PALM2AKAP2: variants seen among roughly 807,000 people sequenced by gnomAD.
PALM2AKAP2 encodes PALM2-AKAP2 fusion protein.
Under a neutral mutation model 71.5 loss-of-function variants are expected in PALM2AKAP2, and 37 were observed. The ratio of observed to expected loss-of-function variants is 0.52; its 90% CI spans 0.40 to 0.68. PALM2AKAP2 has a LOEUF of 0.68. Ranked by LOEUF, PALM2AKAP2 falls within the 30% of genes least tolerant of loss-of-function variation. PALM2AKAP2 has a pLI of 0.00. For synonymous variants in PALM2AKAP2, 468 were observed against 478.8 expected, an observed-to-expected ratio of 0.98 and a Z score of 0.29; for missense variants, 1,224 against 1,191.8, an observed-to-expected ratio of 1.03 and a Z score of -0.40.
intron 6 of PALM2AKAP2, chr9:109,944,158 A>G (rs1332697615): frequency 1.3e-5 from 2 of 152,344 alleles, no homozygotes; most frequent in Non-Finnish European, 2.9e-5. Flanking sequence ...AAGAAGCACC[A>G]TTTTAAAATT....
chr9:109,878,489 G>C (rs1199894729), intron 2 of PALM2AKAP2, among the ~76,000 whole-genome samples: 1 of 152,142 alleles, frequency 6.6e-6, no homozygotes, highest in Non-Finnish European at 1.5e-5. Flanking sequence ...AGTAATCAAA[G>C]AGATCTCTAC....
chr9:110,149,675 G>T (rs1008717288), intron 2 of PALM2AKAP2, among the ~76,000 whole-genome samples: 2 of 152,166 alleles, frequency 1.3e-5, no homozygotes, highest in Non-Finnish European at 2.9e-5. Context: ...CATTTAGCCA[G>T]GCACAGTGGC....
intron 1 of PALM2AKAP2, among the ~76,000 whole-genome samples, chr9:109,674,643 A>G (rs560298713): frequency 9.2e-5 from 14 of 152,198 alleles, no homozygotes; most frequent in African/African-American, 2.9e-4. Context: ...AAGTCCCTTT[A>G]TATAGGTAAT....
intron 1 of PALM2AKAP2, among the ~76,000 whole-genome samples, chr9:110,114,564 A>G (rs1363624981): frequency 6.6e-6 from 1 of 152,176 alleles, no homozygotes; most frequent in Non-Finnish European, 1.5e-5. Flanking sequence ...GCATCACACA[A>G]TCAGTTTATG....
At chr9:109,771,540 C>T (rs1011064820) in intron 1 of PALM2AKAP2, among the ~76,000 whole-genome samples, 2 of 152,268 alleles carry the variant, frequency 1.3e-5, no homozygotes, top group African/African-American at 4.8e-5. Flanking sequence ...CTCCCTTCCC[C>T]CAAATCAATG....
chr9:110,030,869 A>G (rs1246897005), intron 7 of PALM2AKAP2, among the ~76,000 whole-genome samples: 1 of 152,254 alleles, frequency 6.6e-6, no homozygotes, highest in Non-Finnish European at 1.5e-5. Context: ...GTAGGTCTGC[A>G]TACCACGAGC....
At chr9:109,756,777 G>T (rs1394105821) in intron 1 of PALM2AKAP2, among the ~76,000 whole-genome samples, 2 of 152,094 alleles carry the variant, frequency 1.3e-5, no homozygotes, top group African/African-American at 4.8e-5. Context: ...TATACTGATT[G>T]CTTTGAATCA....
At chr9:109,916,058 C>T (rs766859741) in intron 3 of PALM2AKAP2, among the ~76,000 whole-genome samples, 6 of 152,152 alleles carry the variant, frequency 3.9e-5, no homozygotes, top group Non-Finnish European at 8.8e-5. Context: ...ATTCTCCTGC[C>T]TCAGCCTCCC....
In PALM2AKAP2 at chr9:109,648,472, G is replaced by A. The variant is rs562723029; in HGVS notation, c.5+7606G>A. On this transcript the variant is annotated intron_variant, in intron 1 of 6. Coordinates refer to the PALM2AKAP2 transcript ENST00000374531. ...AGGCAAAGGAGCTTATATTGTGTTA[G>A]AGGAGACAGACAATACATATATTAC... 2.6e-4 allele frequency among the ~76,000 whole-genome samples: 39 copies of A among 152,318 alleles called. No homozygotes were observed. The South Asian group carries it at 3.1e-3, about 12-fold the overall frequency.
chr9:110,044,388 G>A (rs1401401422), upstream of PALM2AKAP2, among the ~76,000 whole-genome samples: 1 of 107,778 alleles, frequency 9.3e-6, no homozygotes, highest in African/African-American at 3.7e-5. Context: ...GTCTCCCTCT[G>A]TCGCCCAGGC....
intron 3 of PALM2AKAP2, among the ~76,000 whole-genome samples, chr9:110,158,152 C>T (rs1836504467): frequency 6.6e-6 from 1 of 152,234 alleles, no homozygotes; most frequent in South Asian, 2.1e-4. Context: ...GGATTTTTCC[C>T]TGGCTACTCA....
intron 1 of PALM2AKAP2, among the ~76,000 whole-genome samples, chr9:109,797,762 G>A (rs1827306403): frequency 6.6e-6 from 1 of 152,230 alleles, no homozygotes; most frequent in South Asian, 2.1e-4. Flanking sequence ...GCCATCTCTA[G>A]TTTAGTTCCC....
intron 1 of PALM2AKAP2, among the ~76,000 whole-genome samples, chr9:109,701,158 C>G (rs1828048992): frequency 6.6e-6 from 1 of 152,226 alleles, no homozygotes; most frequent in Admixed American, 6.5e-5. Context: ...AAAATAAATC[C>G]TTGGGCATGC....
At chr9:110,117,970 GTT>G (rs1491442142) in intron 1 of PALM2AKAP2, among the ~76,000 whole-genome samples, 5 of 104,962 alleles carry the variant, frequency 4.8e-5, no homozygotes, top group Non-Finnish European at 9.4e-5. Context: ...TATATATGTC[GTT>G]TTGTGTGTGT....
chr9:110,155,659 C>A (rs1836434448), intron 2 of PALM2AKAP2, among the ~76,000 whole-genome samples: 1 of 152,184 alleles, frequency 6.6e-6, no homozygotes, highest in Admixed American at 6.5e-5. Context: ...TCTGGGAGGC[C>A]TCAAACCCCA....
chr9:109,855,779 A>G (rs1829146182), intron 1 of PALM2AKAP2, among the ~76,000 whole-genome samples: 1 of 152,218 alleles, frequency 6.6e-6, no homozygotes, highest in Non-Finnish European at 1.5e-5. Context: ...CAACTTGGCT[A>G]TGCAGTAATT....
chr9:109,926,740 C>G (rs1002528807), intron 5 of PALM2AKAP2, among the ~76,000 whole-genome samples: 2 of 152,000 alleles, frequency 1.3e-5, no homozygotes, highest in Non-Finnish European at 2.9e-5. Flanking sequence ...AGACATCTCT[C>G]TGATACTTAG....
chr9:109,701,910 C>T (rs541704315), intron 1 of PALM2AKAP2, among the ~76,000 whole-genome samples: 134 of 152,046 alleles, frequency 8.8e-4, no homozygotes, highest in African/African-American at 3.2e-3. Context: ...AAAAAACAAC[C>T]CCATCAAAAA....
At chr9:109,704,389 A>G (rs954173844) in intron 1 of PALM2AKAP2, among the ~76,000 whole-genome samples, 1 of 152,206 alleles carries the variant, frequency 6.6e-6, no homozygotes, top group Non-Finnish European at 1.5e-5. Flanking sequence ...CATAGACTGT[A>G]AATTCACTTG....
Sources: allele counts gnomAD v4.1 joint callset (sites outside exome capture counted in the v4.1 genomes callset), GRCh38; gene constraint gnomAD v4.1.1; transcripts MANE v1.5; gene names NCBI Gene and HGNC (gene_info 2026-07-23, HGNC 2026-07-21).